KIAA0040: variants seen among roughly 807,000 people sequenced by gnomAD.
KIAA0040 encodes the protein uncharacterized protein KIAA0040.
In KIAA0040, 10 loss-of-function variants were observed where a neutral mutation model predicts 7.2. That is an observed-to-expected ratio of 1.38 (90% CI 0.85 to 2.34). The LOEUF (loss-of-function observed/expected upper bound fraction) is 2.34. Among genes scored for constraint, KIAA0040 ranks in the 30% most tolerant of loss-of-function variants. KIAA0040 has a pLI of 0.00. For missense variants in KIAA0040, 89 were observed against 108.2 expected, an observed-to-expected ratio of 0.82 and a Z score of 0.79; for synonymous variants, 49 against 40.1, an observed-to-expected ratio of 1.22 and a Z score of -0.84.
chr1:175,169,055 A>G (rs1302752061), intron 2 of KIAA0040, among the ~76,000 whole-genome samples: 1 of 152,238 alleles, frequency 6.6e-6, no homozygotes, highest in Non-Finnish European at 1.5e-5. Flanking sequence ...ACAGTGAAAA[A>G]TGAAATGAGT....
rs539367757 is a variant in KIAA0040 at position 175,171,577 on chromosome 1, C to T, written c.-309-4840G>A. On this transcript the variant is annotated intron_variant, in intron 2 of 3. Coordinates refer to ENST00000423313, the MANE Select transcript of KIAA0040 (RefSeq NM_014656.3). The stretch of plus-strand genomic sequence containing the variant: ...TGGACTTTAATGATAATTATCCACC[C>T]GCAGACTGCACTCTCCAGCCAGATC... Among the ~76,000 whole-genome samples, 10 of 152,248 alleles carry T rather than the reference C, an allele frequency of 6.6e-5. No homozygotes were observed. In the South Asian group the frequency reaches 1.7e-3, roughly 25 times the overall value.
intron 3 of KIAA0040, among the ~76,000 whole-genome samples, chr1:175,161,828 G>GACC (rs1221152146): frequency 1.1e-4 from 17 of 152,168 alleles, no homozygotes; most frequent in Non-Finnish European, 2.5e-4. Flanking sequence ...AACCAGGGGT[G>GACC]ACCATTTGCT....
At chr1:175,174,871 G>A (rs1391912886) in intron 2 of KIAA0040, among the ~76,000 whole-genome samples, 1 of 152,010 alleles carries the variant, frequency 6.6e-6, no homozygotes, top group Non-Finnish European at 1.5e-5. Context: ...AATAAAACCT[G>A]TAGCCATGGT....
chr1:175,172,408 A>G (rs1173426609), intron 2 of KIAA0040, among the ~76,000 whole-genome samples: 1 of 152,200 alleles, frequency 6.6e-6, no homozygotes, highest in African/African-American at 2.4e-5. Context: ...TCCTATCTCT[A>G]CAAAAATAAA....
chr1:175,191,184 C>T (rs1677851277), intron 1 of KIAA0040, among the ~76,000 whole-genome samples: 1 of 152,212 alleles, frequency 6.6e-6, no homozygotes, highest in Non-Finnish European at 1.5e-5. Context: ...CTCCAAGGCC[C>T]TGGTATACTG....
intron 2 of KIAA0040, among the ~76,000 whole-genome samples, chr1:175,174,252 C>T (rs997861783): frequency 6.6e-6 from 1 of 152,184 alleles, no homozygotes; most frequent in Non-Finnish European, 1.5e-5. Flanking sequence ...CAGCTTTAAC[C>T]TCCAGTTTGA....
At chr1:175,192,182 C>A (rs557786402) in intron 1 of KIAA0040, among the ~76,000 whole-genome samples, 1 of 152,290 alleles carries the variant, frequency 6.6e-6, no homozygotes, top group South Asian at 2.1e-4. Context: ...GTTTCCTCTC[C>A]GCCCCTGGCT....
intron 2 of KIAA0040, among the ~76,000 whole-genome samples, chr1:175,174,710 A>G (rs1413534920): frequency 6.6e-6 from 1 of 152,102 alleles, no homozygotes; most frequent in Non-Finnish European, 1.5e-5. Flanking sequence ...CCTTTCCCCT[A>G]GTCTGTGGTT....
chr1:175,176,698 T>TTTTTTTTTTTTTTC (rs1677211325), intron 2 of KIAA0040, among the ~76,000 whole-genome samples: 1 of 136,638 alleles, frequency 7.3e-6, no homozygotes, highest in Non-Finnish European at 1.5e-5. Flanking sequence ...TTTTTTTTTT[T>TTTTTTTTTTTTTTC]TTGCTTCAGC....
intron 1 of KIAA0040, among the ~76,000 whole-genome samples, chr1:175,190,908 G>C (rs531813432): frequency 6.6e-6 from 1 of 152,206 alleles, no homozygotes; most frequent in African/African-American, 2.4e-5. Flanking sequence ...CATTGACTTT[G>C]CATACCCTCT....
intron 1 of KIAA0040, among the ~76,000 whole-genome samples, chr1:175,178,002 C>T: frequency 6.6e-6 from 1 of 152,208 alleles, no homozygotes; most frequent in South Asian, 2.1e-4. Context: ...CTCAATTCTG[C>T]CTGGTAGTCA....
At chr1:175,178,573 T>A (rs1043474555) in intron 1 of KIAA0040, among the ~76,000 whole-genome samples, 5 of 152,234 alleles carry the variant, frequency 3.3e-5, no homozygotes, top group African/African-American at 1.2e-4. Flanking sequence ...GTATTTACTA[T>A]GTAACCGACA....
rs3835506 is a variant in KIAA0040, at chr1:175,174,802, C to CATATAT, written c.-310+2803_-310+2808dup. 6.2e-4 allele frequency among the ~76,000 whole-genome samples: 90 copies of CATATAT among 144,660 alleles called. No individual in the cohort carries two copies. The East Asian group carries it at 0.01, about 16-fold the overall frequency. The allele number at this position is 144,660 out of a possible 152,430, so 94.9% of individuals were successfully genotyped here. ...CACTTCTATTCGTCATCTGTATATA[C>CATATAT]ATATATATATATATATACACATACA... On this transcript the variant is annotated intron_variant, in intron 2 of 3. Transcript: ENST00000423313.
At chr1:175,170,650 C>T (rs1272490133) in intron 2 of KIAA0040, among the ~76,000 whole-genome samples, 1 of 152,172 alleles carries the variant, frequency 6.6e-6, no homozygotes. Context: ...CCTACCTCAT[C>T]AGCTGGTCCT....
Position 175,159,953 on chromosome 1 carries a change from C to T in KIAA0040, c.*761G>A, listed in dbSNP as rs1287514519. ...TGAGGACGGACTTTGTCATGAGTTA[C>T]AAGAAAAGAGCTTTCAATGAATTTT... On this transcript the variant is annotated 3_prime_UTR_variant, in exon 4 of 4. Coordinates refer to ENST00000423313, the MANE Select transcript of KIAA0040 (RefSeq NM_014656.3). 6.5e-6 allele frequency: 1 copy of T among 153,244 alleles called. No individual in the cohort carries two copies. The highest frequency in any genetic ancestry group is 6.5e-5 in the Admixed American group (1 of 15,278). 9.5% of individuals were successfully genotyped at this position (153,244 alleles called of 1,614,324 possible).
At chr1:175,171,008 G>A (rs1259196335) in intron 2 of KIAA0040, among the ~76,000 whole-genome samples, 5 of 152,158 alleles carry the variant, frequency 3.3e-5, no homozygotes, top group African/African-American at 7.2e-5. Context: ...GCCTAGCCGC[G>A]CCTACTACTG....
chr1:175,161,094 C>T lies in KIAA0040; in HGVS notation c.-81G>A. 7.6e-7 allele frequency: 1 copy of T among 1,311,146 alleles called. No individual in the cohort carries two copies. The highest frequency in any genetic ancestry group is 1.0e-6 in the Non-Finnish European group (1 of 968,576). 81.2% of individuals were successfully genotyped at this position (1,311,146 alleles called of 1,614,324 possible). On this transcript the variant is annotated 5_prime_UTR_variant, in exon 4 of 4. The change creates a new upstream start codon in the 5' untranslated region. Transcript: ENST00000423313. ...GCTCAAAAGGATGCAACCTTGACCA[C>T]TTGTAATTTATTCCTCTTCCAGCTT... is the stretch of plus-strand genomic sequence containing the variant.
chr1:175,179,953 G>A (rs1571209428), intron 1 of KIAA0040, among the ~76,000 whole-genome samples: 2 of 152,200 alleles, frequency 1.3e-5, no homozygotes, highest in African/African-American at 2.4e-5. Flanking sequence ...GCAAGCAGTG[G>A]CAACCAATCC....
chr1:175,166,164 T>A (rs764326898), intron 3 of KIAA0040, among the ~76,000 whole-genome samples: 1 of 152,168 alleles, frequency 6.6e-6, no homozygotes, highest in Non-Finnish European at 1.5e-5. Flanking sequence ...GGCCATTTTA[T>A]AACTGACAGT....
Sources: gnomAD v4.1 joint callset for allele counts (sites outside exome capture counted in the v4.1 genomes callset) on GRCh38, gnomAD v4.1.1 for gene constraint, MANE v1.5 for transcripts, NCBI Gene and HGNC (gene_info 2026-07-23, HGNC 2026-07-21) for gene names.